Variants in ASIC2 observed in about 807,000 individuals in gnomAD.
ASIC2 encodes acid sensing ion channel subunit 2, also known as acid-sensing ion channel 2.
Under a neutral mutation model 57.3 loss-of-function variants are expected in ASIC2, and 25 were observed. That is an observed-to-expected ratio of 0.44 (90% CI 0.32 to 0.61). The LOEUF (loss-of-function observed/expected upper bound fraction) is 0.61. ASIC2 is among the 20% of genes least tolerant of loss of function. The pLI is 0.06. For missense variants in ASIC2, 641 were observed against 738.1 expected (o/e 0.87, Z 1.52); for synonymous variants, 319 against 307.5 (o/e 1.04, Z -0.39).
rs1446217411 is a variant in ASIC2, at chr17:33,585,807, A to G, written c.556-473740T>C. On this transcript the variant is annotated intron_variant, in intron 1 of 9. Transcript: ENST00000359872. ...GTTTTATCTAATTTGTAGTTTTCTT[A>G]GTCTTGATATATTTAATTTATATCT... Among the ~76,000 whole-genome samples, 3 of 152,152 alleles carry G rather than the reference A, an allele frequency of 2.0e-5. No homozygotes were observed. The East Asian group carries it at 5.8e-4, about 29-fold the overall frequency.
At chr17:33,279,775 T>G (rs968522359) in intron 1 of ASIC2, among the ~76,000 whole-genome samples, 14 of 152,220 alleles carry the variant, frequency 9.2e-5, no homozygotes, top group African/African-American at 3.1e-4. Flanking sequence ...ATATTCCAAA[T>G]GCTATATTTT....
intron 1 of ASIC2, among the ~76,000 whole-genome samples, chr17:33,459,912 G>T (rs528639943): frequency 6.6e-6 from 1 of 152,132 alleles, no homozygotes; most frequent in Non-Finnish European, 1.5e-5. Context: ...ATATTAATTA[G>T]GTGGCACCAA....
chr17:33,862,736 A>G (rs1219632627), intron 1 of ASIC2, among the ~76,000 whole-genome samples: 1 of 152,212 alleles, frequency 6.6e-6, no homozygotes, highest in Non-Finnish European at 1.5e-5. Flanking sequence ...GCACCCATAC[A>G]CACCTCTTCT....
chr17:33,511,616 T>C (rs980074368), intron 1 of ASIC2, among the ~76,000 whole-genome samples: 2 of 152,130 alleles, frequency 1.3e-5, no homozygotes, highest in African/African-American at 4.8e-5. Context: ...ACTGCCCACA[T>C]CCAAGTCAAG....
chr17:34,081,860 TAGTA>T (rs1282830852), intron 1 of ASIC2, among the ~76,000 whole-genome samples: 5 of 152,186 alleles, frequency 3.3e-5, no homozygotes, highest in Non-Finnish European at 5.9e-5. Context: ...TTCAGAGTAG[TAGTA>T]AGTATTAGAG....
At chr17:33,075,631 G>C (rs1240592524) in intron 3 of ASIC2, among the ~76,000 whole-genome samples, 3 of 152,146 alleles carry the variant, frequency 2.0e-5, no homozygotes, top group African/African-American at 7.2e-5. Context: ...TCCCCTGCTG[G>C]TCTGCTCCTT....
chr17:33,017,548 G>A, intron 8 of ASIC2, 57 bp downstream of exon 8: 1 of 1,450,838 alleles, frequency 6.9e-7, no homozygotes, highest in African/African-American at 1.4e-5. Context: ...CTGAACCTGG[G>A]GCACGATGAG....
chr17:33,857,353 A>C (rs1460655347), intron 1 of ASIC2, among the ~76,000 whole-genome samples: 1 of 152,216 alleles, frequency 6.6e-6, no homozygotes, highest in South Asian at 2.1e-4. Flanking sequence ...GAAGGAGAAG[A>C]GCAGGTGAAA....
At chr17:33,727,587 C>A (rs184901793) in intron 1 of ASIC2, among the ~76,000 whole-genome samples, 1 of 152,128 alleles carries the variant, frequency 6.6e-6, no homozygotes, top group Non-Finnish European at 1.5e-5. Flanking sequence ...GTAGCACCTT[C>A]CCCATCTCTC....
chr17:34,101,480 C>T (rs1160864146), intron 1 of ASIC2, among the ~76,000 whole-genome samples: 4 of 152,182 alleles, frequency 2.6e-5, no homozygotes, highest in African/African-American at 9.7e-5. Flanking sequence ...CAAGTGAGTA[C>T]CCAGGGTCAC....
intron 1 of ASIC2, among the ~76,000 whole-genome samples, chr17:33,986,980 A>G (rs2142007494): frequency 6.6e-6 from 1 of 152,344 alleles, no homozygotes; most frequent in African/African-American, 2.4e-5. Flanking sequence ...CAGTGGCCAT[A>G]GAATAGCAAT....
intron 1 of ASIC2, chr17:34,069,608 T>C (rs1328841313): frequency 2.0e-5 from 3 of 152,168 alleles, no homozygotes; most frequent in African/African-American, 7.2e-5. Context: ...AGTCCCTCCA[T>C]CCAGGGCTAG....
chr17:33,635,221 T>C (rs1906315959), intron 1 of ASIC2, among the ~76,000 whole-genome samples: 1 of 152,178 alleles, frequency 6.6e-6, no homozygotes, highest in Non-Finnish European at 1.5e-5. Flanking sequence ...ATTGCTGTAT[T>C]TGTGGGTCAA....
chr17:34,066,701 G>A (rs1038517673), intron 1 of ASIC2, among the ~76,000 whole-genome samples: 1 of 152,150 alleles, frequency 6.6e-6, no homozygotes, highest in African/African-American at 2.4e-5. Flanking sequence ...GTCAGAAGCT[G>A]GCTGGGACCT....
intron 1 of ASIC2, among the ~76,000 whole-genome samples, chr17:33,361,266 G>C (rs760973386): frequency 1.3e-5 from 2 of 152,196 alleles, no homozygotes; most frequent in Non-Finnish European, 2.9e-5. Context: ...AAGCCCACTT[G>C]GGAATTCATG....
intron 1 of ASIC2, among the ~76,000 whole-genome samples, chr17:33,845,652 T>A (rs1278222035): frequency 6.6e-6 from 1 of 152,224 alleles, no homozygotes; most frequent in African/African-American, 2.4e-5. Context: ...TTTGAATACC[T>A]GCCAGATAGA....
At chr17:34,092,791 T>A (rs1418339251) in intron 1 of ASIC2, among the ~76,000 whole-genome samples, 4 of 152,224 alleles carry the variant, frequency 2.6e-5, no homozygotes, top group African/African-American at 9.6e-5. Context: ...GCTCTCTACA[T>A]GACAATACTC....
chr17:33,577,336 G>A (rs865924157), intron 1 of ASIC2, among the ~76,000 whole-genome samples: 7 of 152,140 alleles, frequency 4.6e-5, no homozygotes, highest in Non-Finnish European at 1.0e-4. Flanking sequence ...AGAGACTGAA[G>A]CATTTCCTTG....
At chr17:33,834,774 CCT>C (rs1430349317) in intron 1 of ASIC2, among the ~76,000 whole-genome samples, 1 of 152,138 alleles carries the variant, frequency 6.6e-6, no homozygotes, top group Non-Finnish European at 1.5e-5. Flanking sequence ...GAGAGTGCTG[CCT>C]CTGTCTCTCC....
Sources: gnomAD v4.1 joint callset for allele counts (sites outside exome capture counted in the v4.1 genomes callset) on GRCh38, gnomAD v4.1.1 for gene constraint, MANE v1.5 for transcripts, NCBI Gene and HGNC (gene_info 2026-07-23, HGNC 2026-07-21) for gene names.